The following SMIM10L3 variants were observed in gnomAD, a reference collection of about 807,000 sequenced individuals.
SMIM10L3 encodes the protein salivary gland specific protein SAGSIN1.
the SMIM10L3 span, among the ~76,000 whole-genome samples, chr7:6,336,463 T>C: frequency 6.6e-6 from 1 of 152,050 alleles, no homozygotes; most frequent in Admixed American, 6.6e-5. Context: ...GGCAGATCTC[T>C]TGAGGTCAGG....
the SMIM10L3 span, chr7:6,330,474 G>A: frequency 5.6e-6 from 9 of 1,614,126 alleles, no homozygotes; most frequent in South Asian, 4.4e-5. Context: ...GCATTTTCTT[G>A]AATTCTATTG....
chr7:6,342,379 T>C, the SMIM10L3 span, among the ~76,000 whole-genome samples: 1 of 151,842 alleles, frequency 6.6e-6, no homozygotes, highest in African/African-American at 2.4e-5. Flanking sequence ...ACCCCGACTC[T>C]ACTAAAAATA....
At chr7:6,338,324 C>T in the SMIM10L3 span, among the ~76,000 whole-genome samples, 4 of 152,060 alleles carry the variant, frequency 2.6e-5, no homozygotes, top group African/African-American at 4.8e-5. Context: ...TAAGTGTATA[C>T]AAAATCAGCT....
chr7:6,336,936 G>T, the SMIM10L3 span, among the ~76,000 whole-genome samples: 2 of 152,102 alleles, frequency 1.3e-5, no homozygotes, highest in African/African-American at 4.8e-5. Flanking sequence ...TTACAGGCGT[G>T]AGCCACCATG....
chr7:6,342,528 G>T, the SMIM10L3 span, among the ~76,000 whole-genome samples: 1 of 151,698 alleles, frequency 6.6e-6, no homozygotes, highest in African/African-American at 2.4e-5. Context: ...GACAAAGCGA[G>T]ACTCTGTCTC....
the SMIM10L3 span, among the ~76,000 whole-genome samples, chr7:6,334,817 G>T: frequency 1.3e-5 from 2 of 151,074 alleles, no homozygotes; most frequent in African/African-American, 4.9e-5. Context: ...TACCCAGGCT[G>T]GAGTACAATG....
At chr7:6,339,208 C>T in the SMIM10L3 span, among the ~76,000 whole-genome samples, 3 of 152,142 alleles carry the variant, frequency 2.0e-5, no homozygotes, top group African/African-American at 4.8e-5. Flanking sequence ...TGGCTCACAC[C>T]TGTAATCCCA....
the SMIM10L3 span, among the ~76,000 whole-genome samples, chr7:6,338,295 G>A: frequency 6.6e-6 from 1 of 152,064 alleles, no homozygotes; most frequent in African/African-American, 2.4e-5. Flanking sequence ...GAGATATATT[G>A]TACCAGATAA....
the SMIM10L3 span, among the ~76,000 whole-genome samples, chr7:6,333,575 T>TAAAA: frequency 6.6e-6 from 1 of 152,096 alleles, no homozygotes; most frequent in Non-Finnish European, 1.5e-5. Context: ...CACAGCTCAC[T>TAAAA]GCAGCCTGTA....
At chr7:6,330,443 G>C in the SMIM10L3 span, 1 of 1,614,042 alleles carries the variant, frequency 6.2e-7, no homozygotes, top group African/African-American at 1.3e-5. Flanking sequence ...GTTATCTGCA[G>C]ACCATCTGAG....
chr7:6,331,127 T>C, the SMIM10L3 span: 1 of 1,613,102 alleles, frequency 6.2e-7, no homozygotes, highest in Non-Finnish European at 8.5e-7. Context: ...GCCAGGCAGG[T>C]GCCGAGGGGC....
chr7:6,331,082 T>A, the SMIM10L3 span: 8 of 1,613,586 alleles, frequency 5.0e-6, no homozygotes, highest in Non-Finnish European at 5.9e-6. Context: ...CATGATAGTT[T>A]GTCCGAGTCA....
chr7:6,339,546 C>A, the SMIM10L3 span, among the ~76,000 whole-genome samples: 1 of 149,274 alleles, frequency 6.7e-6, no homozygotes, highest in Non-Finnish European at 1.5e-5. Flanking sequence ...TGCAGTGGAG[C>A]AATCTCAGCT....
the SMIM10L3 span, among the ~76,000 whole-genome samples, chr7:6,344,499 T>C: frequency 5.2e-4 from 79 of 152,090 alleles, no homozygotes; most frequent in African/African-American, 1.6e-3. Flanking sequence ...TATAGCTCAC[T>C]GCCTCCTCGA....
chr7:6,343,238 G>A, the SMIM10L3 span, among the ~76,000 whole-genome samples: 6 of 150,336 alleles, frequency 4.0e-5, no homozygotes, highest in Admixed American at 6.7e-5. Context: ...TTAGCTGGGC[G>A]TGGTACCAGG....
chr7:6,339,271 C>T, the SMIM10L3 span, among the ~76,000 whole-genome samples: 1 of 152,040 alleles, frequency 6.6e-6, no homozygotes, highest in Non-Finnish European at 1.5e-5. Flanking sequence ...AGCCGGAGAC[C>T]AGCCTGAGCA....
the SMIM10L3 span, among the ~76,000 whole-genome samples, chr7:6,338,008 T>C: frequency 3.3e-5 from 5 of 151,880 alleles, no homozygotes; most frequent in Non-Finnish European, 7.4e-5. Context: ...TTCACCATGT[T>C]GGCCAGGCTG....
the SMIM10L3 span, among the ~76,000 whole-genome samples, chr7:6,341,644 C>T: frequency 4.0e-5 from 6 of 148,828 alleles, no homozygotes; most frequent in African/African-American, 1.0e-4. Context: ...GAGCTGAGAT[C>T]GCGCCACCGC....
chr7:6,330,714 T>C, the SMIM10L3 span: 7 of 1,614,000 alleles, frequency 4.3e-6, no homozygotes, highest in Non-Finnish European at 5.9e-6. Context: ...GAGGCTCTCC[T>C]TTGGGGCACT....
Sources: gnomAD v4.1 joint callset for allele counts (sites outside exome capture counted in the v4.1 genomes callset) on GRCh38, gnomAD v4.1.1 for gene constraint, MANE v1.5 for transcripts, NCBI Gene and HGNC (gene_info 2026-07-23, HGNC 2026-07-21) for gene names.